Variants in HIVEP1 observed in about 807,000 individuals in gnomAD.
The protein encoded by HIVEP1 is zinc finger protein 40.
A neutral mutation model predicts 180.0 loss-of-function variants in HIVEP1; 36 were observed. The observed-to-expected ratio is 0.20, with a 90% CI of 0.15 to 0.26. The LOEUF is 0.26. HIVEP1 is among the 10% of genes least tolerant of loss of function. The probability of loss-of-function intolerance (pLI) is 1.00; values close to 1 mark genes in which losing one functional copy is unlikely to be tolerated. For synonymous variants in HIVEP1, 1,239 were observed against 1,239.0 expected (o/e 1.00, Z 0.00); for missense variants, 3,143 against 3,268.7 (o/e 0.96, Z 0.94).
At chr6:12,143,013 A>T (rs1376102781) in intron 7 of HIVEP1, among the ~76,000 whole-genome samples, 1 of 152,210 alleles carries the variant, frequency 6.6e-6, no homozygotes, top group African/African-American at 2.4e-5. Flanking sequence ...AAAAAGAGGG[A>T]ATCCTCCCTA....
At chr6:12,066,631 T>C (rs1454131804) in intron 2 of HIVEP1, among the ~76,000 whole-genome samples, 1 of 152,240 alleles carries the variant, frequency 6.6e-6, no homozygotes, top group Non-Finnish European at 1.5e-5. Context: ...TGATGATTTC[T>C]CAAAGCATAT....
downstream of HIVEP1, among the ~76,000 whole-genome samples, chr6:12,166,733 A>C (rs568852972): frequency 1.3e-5 from 2 of 152,210 alleles, no homozygotes; most frequent in Non-Finnish European, 2.9e-5. Flanking sequence ...AATTCGGAGA[A>C]CTAATGGGAC....
chr6:12,032,292 C>G (rs1236457899), intron 2 of HIVEP1, among the ~76,000 whole-genome samples: 1 of 151,986 alleles, frequency 6.6e-6, no homozygotes, highest in Non-Finnish European at 1.5e-5. Flanking sequence ...AAGAGCGCCA[C>G]CATGCCCGGC....
chr6:12,117,577 A>G lies in HIVEP1; in HGVS notation c.95-2313A>G, dbSNP rs1191461743. Among the ~76,000 whole-genome samples the G allele has an allele frequency of 2.0e-5, 3 of 152,044 alleles. No homozygotes were observed. In the East Asian group the frequency reaches 5.8e-4, roughly 29 times the overall value. On this transcript the variant is annotated intron_variant, in intron 3 of 8. Transcript: ENST00000379388. ...CAGTATTTCTGGGTTGAAATTTTGC[A>G]TTTTTCTTTGGAGTATAAGACATTA...
At chr6:12,167,712 C>CGT (rs1403132415), downstream of HIVEP1, among the ~76,000 whole-genome samples, 809 of 56,678 alleles carry the variant, frequency 0.014, 13 homozygotes, top group Non-Finnish European at 0.02. Flanking sequence ...TACATATATG[C>CGT]ATAATATATA....
At chr6:12,202,990 G>A in the HIVEP1 span, among the ~76,000 whole-genome samples, 31,302 of 152,224 alleles carry the variant, frequency 0.21, 4,171 homozygotes, top group East Asian at 0.53. Context: ...GTGCCCCAAA[G>A]GGTTGGCTTT....
intron 3 of HIVEP1, among the ~76,000 whole-genome samples, chr6:12,095,602 T>A (rs1450729511): frequency 6.6e-6 from 1 of 151,894 alleles, no homozygotes; most frequent in African/African-American, 2.4e-5. Flanking sequence ...ATATCCAAAA[T>A]TATTTCTTCT....
chr6:12,122,094 G>T lies in HIVEP1; in HGVS notation c.2299G>T (p.Val767Leu). 1 of 1,614,204 alleles carries T rather than the reference G, an allele frequency of 6.2e-7. No individual in the cohort carries two copies. Among genetic ancestry groups the T allele is most frequent in the South Asian group, 1.1e-5 (1 of 91,082 alleles). The change falls in exon 4 of 9, where the codon GTG becomes TTG. Residue 767 changes from valine (V) to leucine (L), a missense_variant. Physicochemically the swap from Val to Leu is conservative, Grantham distance 32 (BLOSUM62 1). This residue lies in a region of HIVEP1 where 32 missense variants were observed against 70.0 expected (regional missense o/e 0.46). Coordinates refer to ENST00000379388, the MANE Select transcript of HIVEP1 (RefSeq NM_002114.4). ...ALVDDKQLDS[V>L]KPRRTSLSRR... ...GGTAGATGACAAGCAACTGGATAGT[G>T]TGAAGCCGCGGAGAACCTCACTGTC...
At chr6:12,045,833 C>A (rs559155405) in intron 2 of HIVEP1, among the ~76,000 whole-genome samples, 2 of 152,260 alleles carry the variant, frequency 1.3e-5, no homozygotes, top group African/African-American at 4.8e-5. Context: ...GTGGTGAATA[C>A]GTGCCTAATA....
chr6:12,183,590 T>C, the HIVEP1 span, among the ~76,000 whole-genome samples: 7 of 152,214 alleles, frequency 4.6e-5, no homozygotes, highest in Non-Finnish European at 8.8e-5. Flanking sequence ...AGAATTTAGA[T>C]GATGTCCTGA....
Position 12,123,562 on chromosome 6 carries a change from A to G in HIVEP1, c.3767A>G (p.Lys1256Arg). The G allele has an allele frequency of 6.2e-7, 1 of 1,614,176 alleles. No individual in the cohort carries two copies. Among genetic ancestry groups the G allele is most frequent in the Non-Finnish European group, 8.5e-7 (1 of 1,180,048 alleles). ...DLEAQCHDQE[K>R]SEKFSWPQRS... ...GAAGCTCAATGCCATGATCAAGAAA[A>G]GTCAGAGAAGTTCAGTTGGCCCCAG... The change falls in exon 4 of 9, where the codon AAG becomes AGG. Residue 1256 changes from lysine to arginine, a missense_variant. Physicochemically the swap from Lys to Arg is conservative, Grantham distance 26. Coordinates refer to ENST00000379388, the MANE Select transcript of HIVEP1 (RefSeq NM_002114.4).
chr6:12,160,396 A>G (rs1015301432), intron 7 of HIVEP1, among the ~76,000 whole-genome samples: 7 of 152,258 alleles, frequency 4.6e-5, no homozygotes, highest in Non-Finnish European at 1.0e-4. Flanking sequence ...AAATTGTAGC[A>G]TCTCTCTGAG....
chr6:12,040,446 G>T lies in HIVEP1; in HGVS notation c.40+24778G>T, dbSNP rs140934923. Among the ~76,000 whole-genome samples the T allele has an allele frequency of 6.4e-4, 97 of 152,124 alleles. 1 individual carries two copies. The East Asian group carries it at 0.017, about 27-fold the overall frequency. ...TAGATTTACATATCTTTTTAAATAC[G>T]TAACTATAGATCTAAATTATCTGTA... On this transcript the variant is annotated intron_variant, in intron 2 of 8. Transcript: ENST00000379388.
At chr6:12,182,353 T>A in the HIVEP1 span, among the ~76,000 whole-genome samples, 2 of 152,198 alleles carry the variant, frequency 1.3e-5, no homozygotes, top group African/African-American at 2.4e-5. Context: ...AGAATCACAC[T>A]CAGAAATTGC....
downstream of HIVEP1, among the ~76,000 whole-genome samples, chr6:12,168,237 ATAT>A (rs796699562): frequency 0.037 from 4,874 of 131,310 alleles, 264 homozygotes; most frequent in South Asian, 0.1. Context: ...ATATACATAT[ATAT>A]TATATATACA....
downstream of HIVEP1, among the ~76,000 whole-genome samples, chr6:12,166,056 A>C (rs1760692353): frequency 6.6e-6 from 1 of 152,224 alleles, no homozygotes; most frequent in Non-Finnish European, 1.5e-5. Context: ...CTACATTTTT[A>C]TATTCTGAGA....
chr6:12,046,781 A>AT lies in HIVEP1; in HGVS notation c.40+31115dup, dbSNP rs199688283. Among the ~76,000 whole-genome samples, 723 of 139,788 alleles carry AT rather than the reference A, an allele frequency of 5.2e-3. 6 individuals are homozygous for AT. Among genetic ancestry groups the AT allele is most frequent in the African/African-American group, 0.02 (696 of 35,562 alleles). The allele number at this position is 139,788 out of a possible 152,430, so 91.7% of individuals were successfully genotyped here. ...TGACAGAGCGAGACTCTGTCTCAAA[A>AT]TTAAAAAAAAGAATTCTGGGTGGCC... On this transcript the variant is annotated intron_variant, in intron 2 of 8. Coordinates refer to ENST00000379388, the MANE Select transcript of HIVEP1 (RefSeq NM_002114.4).
At chr6:12,057,334 A>T (rs1176773705) in intron 2 of HIVEP1, among the ~76,000 whole-genome samples, 2 of 152,196 alleles carry the variant, frequency 1.3e-5, no homozygotes, top group African/African-American at 4.8e-5. Flanking sequence ...AACTACTGTC[A>T]CCTGGAGGAC....
intron 6 of HIVEP1, among the ~76,000 whole-genome samples, chr6:12,134,939 A>T (rs1460065513): frequency 6.6e-6 from 1 of 152,234 alleles, no homozygotes; most frequent in Non-Finnish European, 1.5e-5. Flanking sequence ...AATTACAATG[A>T]CCCAAAATAG....
Sources: gnomAD v4.1 joint callset for allele counts (sites outside exome capture counted in the v4.1 genomes callset) on GRCh38, gnomAD v4.1.1 for gene constraint, gnomAD v4.1.1 regional missense constraint, MANE v1.5 for transcripts, NCBI Gene and HGNC (gene_info 2026-07-23, HGNC 2026-07-21) for gene names.